The following FGGY variants were observed in gnomAD, a reference collection of about 807,000 sequenced individuals.
FGGY encodes the protein FGGY carbohydrate kinase domain-containing protein.
A neutral mutation model predicts 71.3 loss-of-function variants in FGGY; 72 were observed. The ratio of observed to expected loss-of-function variants is 1.01; its 90% CI spans 0.84 to 1.23. The LOEUF is 1.23. FGGY is among the 50% of genes most tolerant of loss of function. The probability of loss-of-function intolerance (pLI) is 0.00; values close to 1 mark genes in which losing one functional copy is unlikely to be tolerated. For missense variants in FGGY, 668 were observed against 682.3 expected (o/e 0.98, Z 0.23); for synonymous variants, 251 against 250.3 (o/e 1.00, Z -0.02).
chr1:59,521,513 A>G (rs2094833755), intron 7 of FGGY, among the ~76,000 whole-genome samples: 1 of 152,188 alleles, frequency 6.6e-6, no homozygotes, highest in African/African-American at 2.4e-5. Flanking sequence ...GTCAGTGTAT[A>G]TGGCTGTGAA....
intron 8 of FGGY, among the ~76,000 whole-genome samples, chr1:59,572,805 C>G (rs1036610514): frequency 6.6e-6 from 1 of 152,156 alleles, no homozygotes; most frequent in Non-Finnish European, 1.5e-5. Flanking sequence ...GAGCTGCTCC[C>G]CAGTGAGTAG....
intron 7 of FGGY, among the ~76,000 whole-genome samples, chr1:59,514,886 A>G (rs542426703): frequency 6.6e-6 from 1 of 152,286 alleles, no homozygotes; most frequent in African/African-American, 2.4e-5. Flanking sequence ...CAGCAGCATA[A>G]AAACAGACTA....
intron 2 of FGGY, among the ~76,000 whole-genome samples, chr1:59,334,217 A>C (rs913399787): frequency 2.0e-5 from 3 of 152,104 alleles, no homozygotes; most frequent in Non-Finnish European, 2.9e-5. Context: ...GTCTTGGGTC[A>C]CTGCAACCTT....
chr1:59,540,117 C>T (rs1212631608), intron 7 of FGGY, among the ~76,000 whole-genome samples: 2 of 152,100 alleles, frequency 1.3e-5, no homozygotes, highest in Non-Finnish European at 2.9e-5. Flanking sequence ...TTGATAATGC[C>T]AAGTATTGAT....
At chr1:59,567,909 C>T (rs1448604471) in intron 8 of FGGY, among the ~76,000 whole-genome samples, 2 of 150,516 alleles carry the variant, frequency 1.3e-5, no homozygotes, top group East Asian at 3.9e-4. Flanking sequence ...CATTATTGCC[C>T]CTGTCTACCT....
At chr1:59,525,939 ATATC>A (rs1300906637) in intron 7 of FGGY, among the ~76,000 whole-genome samples, 1 of 152,152 alleles carries the variant, frequency 6.6e-6, no homozygotes, top group African/African-American at 2.4e-5. Flanking sequence ...TTACATGTGT[ATATC>A]TGTATGTAGT....
At chr1:59,343,856 A>G (rs906822052) in intron 3 of FGGY, among the ~76,000 whole-genome samples, 10 of 152,146 alleles carry the variant, frequency 6.6e-5, no homozygotes, top group Non-Finnish European at 1.2e-4. Flanking sequence ...GTCTGTCTTT[A>G]CTATAGGCAG....
At chr1:59,630,123 G>A (rs2096895027) in intron 10 of FGGY, among the ~76,000 whole-genome samples, 1 of 152,062 alleles carries the variant, frequency 6.6e-6, no homozygotes, top group African/African-American at 2.4e-5. Flanking sequence ...AGGAGGAAAA[G>A]CCCCTTATAA....
At chr1:59,691,756 C>T (rs917757729) in intron 14 of FGGY, among the ~76,000 whole-genome samples, 8 of 151,674 alleles carry the variant, frequency 5.3e-5, no homozygotes, top group Non-Finnish European at 7.4e-5. Context: ...ATCCATACAC[C>T]CCCACATCCG....
chr1:59,407,965 A>T (rs2063011257), intron 5 of FGGY, among the ~76,000 whole-genome samples: 1 of 152,234 alleles, frequency 6.6e-6, no homozygotes, highest in Non-Finnish European at 1.5e-5. Flanking sequence ...TGGAAATCAC[A>T]GGAAAGGTAC....
At chr1:59,496,198 C>T (rs1447128913) in intron 6 of FGGY, among the ~76,000 whole-genome samples, 2 of 152,136 alleles carry the variant, frequency 1.3e-5, no homozygotes, top group Non-Finnish European at 1.5e-5. Flanking sequence ...AGATCTTTCA[C>T]CTCTCTGGTT....
intron 7 of FGGY, among the ~76,000 whole-genome samples, chr1:59,545,932 A>G (rs755555803): frequency 2.0e-5 from 3 of 152,030 alleles, no homozygotes; most frequent in Non-Finnish European, 4.4e-5. Context: ...CTGGTACCTC[A>G]TTTTCCTTAT....
At chr1:59,479,955 G>A (rs1308858093) in intron 6 of FGGY, among the ~76,000 whole-genome samples, 1 of 152,136 alleles carries the variant, frequency 6.6e-6, no homozygotes. Context: ...TCTATATGCT[G>A]TATCTAATCT....
intron 14 of FGGY, among the ~76,000 whole-genome samples, chr1:59,688,841 C>T (rs1456255472): frequency 6.6e-6 from 1 of 152,028 alleles, no homozygotes; most frequent in African/African-American, 2.4e-5. Context: ...CCTCCACCTC[C>T]CTGGTTCAAG....
intron 4 of FGGY, among the ~76,000 whole-genome samples, chr1:59,366,082 T>C (rs1488993671): frequency 1.3e-5 from 2 of 152,242 alleles, no homozygotes; most frequent in South Asian, 2.1e-4. Flanking sequence ...CTGAGTATGA[T>C]GAGTTTTCAT....
At chr1:59,605,545 C>A (rs1380955382) in intron 8 of FGGY, among the ~76,000 whole-genome samples, 1 of 152,184 alleles carries the variant, frequency 6.6e-6, no homozygotes, top group Non-Finnish European at 1.5e-5. Flanking sequence ...GCTGAACTTA[C>A]TTTTCTTATG....
intron 9 of FGGY, among the ~76,000 whole-genome samples, chr1:59,618,067 G>A (rs180701811): frequency 2.0e-4 from 30 of 152,160 alleles, no homozygotes; most frequent in South Asian, 8.3e-4. Context: ...TCCTTCCATC[G>A]CGTTACAGAG....
At chr1:59,493,096 A>AACACACACACAC (rs3035371) in intron 6 of FGGY, among the ~76,000 whole-genome samples, 8,428 of 142,988 alleles carry the variant, frequency 0.059, 297 homozygotes, top group Non-Finnish European at 0.075. Flanking sequence ...TACCAAACAA[A>AACACACACACAC]ACACACACAC....
chr1:59,460,331 T>C (rs892312714), intron 6 of FGGY, among the ~76,000 whole-genome samples: 5 of 152,072 alleles, frequency 3.3e-5, no homozygotes, highest in African/African-American at 1.2e-4. Flanking sequence ...AACTGCAAGG[T>C]GGCAGTGAGG....
Sources: allele counts gnomAD v4.1 joint callset (sites outside exome capture counted in the v4.1 genomes callset), GRCh38; gene constraint gnomAD v4.1.1; transcripts MANE v1.5; gene names NCBI Gene and HGNC (gene_info 2026-07-23, HGNC 2026-07-21).